The following MAFK variants were observed in gnomAD, a reference collection of about 807,000 sequenced individuals.
The protein encoded by MAFK is MAF bZIP transcription factor K, also known as transcription factor MafK.
Under a neutral mutation model 9.2 loss-of-function variants are expected in MAFK, and 1 was observed. The ratio of observed to expected loss-of-function variants is 0.11; its 90% confidence interval spans 0.04 to 0.52. The LOEUF (loss-of-function observed/expected upper bound fraction) is 0.52, where lower values mean the gene tolerates loss of function less well. MAFK is among the 20% of genes least tolerant of loss of function. MAFK has a pLI of 0.94. For missense variants in MAFK, 207 were observed against 236.0 expected, an observed-to-expected ratio of 0.88 and a Z score of 0.81; for synonymous variants, 110 against 107.4, an observed-to-expected ratio of 1.02 and a Z score of -0.15.
Position 1,533,503 on chromosome 7 carries a change from A to T in MAFK, c.-45+2605A>T, listed in dbSNP as rs145766144. ...GCAGGGAACCACGTGCTCTCTGCAGATGGTGATCAGAAACCTGAAACGGCA... is the reference window on the plus strand; with the variant it reads ...GCAGGGAACCACGTGCTCTCTGCAGTTGGTGATCAGAAACCTGAAACGGCA... On this transcript the variant is annotated intron_variant, in intron 1 of 2. Transcript: ENST00000343242. Among the ~76,000 whole-genome samples the T allele has an allele frequency of 3.0e-3, 451 of 152,228 alleles. 1 individual carries two copies. The highest frequency in any genetic ancestry group is 0.01 in the African/African-American group (434 of 41,538).
intron 1 of MAFK, chr7:1,538,736 C>T (rs1162873300): frequency 2.0e-5 from 4 of 202,768 alleles, no homozygotes; most frequent in East Asian, 1.8e-4. Context: ...CAGGTGCAGA[C>T]GTCTTCTCTG....
chr7:1,531,431 C>A (rs1401161683), intron 1 of MAFK, among the ~76,000 whole-genome samples: 2 of 152,188 alleles, frequency 1.3e-5, no homozygotes, highest in African/African-American at 4.8e-5. Flanking sequence ...TCACGCGTGC[C>A]CGGGAACGGG....
rs59057812 is a variant in MAFK at position 1,535,085 on chromosome 7, C to CTTT, written c.-44-4049_-44-4047dup. 1.8e-5 allele frequency among the ~76,000 whole-genome samples: 2 copies of CTTT among 111,940 alleles called. 1 individual carries two copies. The highest frequency in any genetic ancestry group is 7.3e-5 in the African/African-American group (2 of 27,420). The allele number at this position is 111,940 out of a possible 152,430, so 73.4% of individuals were successfully genotyped here. ...CCATCACAACTGGCTATTTAAAATT[C>CTTT]TTTTTTTTTTTTTTTTTGTAGAGAT... is the stretch of plus-strand genomic sequence containing the variant. On this transcript the variant is annotated intron_variant, in intron 1 of 2. Transcript: ENST00000343242.
intron 1 of MAFK, 112 bp from the exon 2 acceptor site, chr7:1,539,037 C>G: frequency 1.2e-6 from 1 of 803,588 alleles, no homozygotes; most frequent in Non-Finnish European, 2.1e-6. Context: ...TTTCATGGTG[C>G]TGTGACTGTC....
At chr7:1,531,401 C>CTCTG (rs1223709286) in intron 1 of MAFK, among the ~76,000 whole-genome samples, 1 of 152,174 alleles carries the variant, frequency 6.6e-6, no homozygotes, top group Non-Finnish European at 1.5e-5. Flanking sequence ...ACGGGCGGCG[C>CTCTG]TCTGGCCCAG....
At chr7:1,539,286 C>A in intron 2 of MAFK, 58 bp downstream of exon 2, 1 of 1,394,436 alleles carries the variant, frequency 7.2e-7, no homozygotes. Context: ...AGGCCCCCGG[C>A]CCGACAGCCC....
intron 1 of MAFK, among the ~76,000 whole-genome samples, chr7:1,536,331 GAC>G (rs1784028153): frequency 6.6e-6 from 1 of 152,204 alleles, no homozygotes; most frequent in Admixed American, 6.5e-5. Context: ...CTGGGCGTAA[GAC>G]ACAATGCGAG....
At chr7:1,535,618 C>G (rs1217622116) in intron 1 of MAFK, among the ~76,000 whole-genome samples, 1 of 152,240 alleles carries the variant, frequency 6.6e-6, no homozygotes, top group Non-Finnish European at 1.5e-5. Context: ...CCACTGCACT[C>G]CAGCCTGGGT....
chr7:1,539,371 G>A (rs576216560), intron 2 of MAFK, 143 bp downstream of exon 2: 8 of 671,814 alleles, frequency 1.2e-5, no homozygotes, highest in South Asian at 3.8e-5. Flanking sequence ...TGCTGTGGCC[G>A]AGGGATGTTC....
At chr7:1,531,252 A>G (rs1163611491) in intron 1 of MAFK, among the ~76,000 whole-genome samples, 2 of 142,356 alleles carry the variant, frequency 1.4e-5, no homozygotes, top group African/African-American at 5.1e-5. Flanking sequence ...GCGCCTTCAC[A>G]CCTGCGGGGG....
At position 1,532,151 on chromosome 7, in the gene MAFK, T is replaced by G. The variant is rs1343417289; in HGVS notation, c.-45+1253T>G. 6.6e-6 allele frequency among the ~76,000 whole-genome samples: 1 copy of G among 152,218 alleles called. No individual in the cohort carries two copies. The highest frequency in any genetic ancestry group is 1.5e-5 in the Non-Finnish European group (1 of 68,028). On this transcript the variant is annotated intron_variant, in intron 1 of 2. Transcript: ENST00000343242. This position sits in a 1 kb window ranked among gnomAD's most constrained non-coding sequence, Gnocchi z 4.5. ...TCTCCAGGGTGGGCTGCCAGGTCTC[T>G]TTACTGGCACTGAGGTTTCACCGTC...
At chr7:1,538,478 G>T in intron 1 of MAFK, 1 of 870,734 alleles carries the variant, frequency 1.1e-6, no homozygotes, top group Non-Finnish European at 1.4e-6. Flanking sequence ...CGTGGCCTGT[G>T]GGGAGGGCGG....
Position 1,532,894 on chromosome 7 carries a change from C to T in MAFK, c.-45+1996C>T, listed in dbSNP as rs570680920. 1.3e-5 allele frequency among the ~76,000 whole-genome samples: 2 copies of T among 152,288 alleles called. No individual in the cohort carries two copies. Among genetic ancestry groups the T allele is most frequent in the Non-Finnish European group, 2.9e-5 (2 of 68,032 alleles). On this transcript the variant is annotated intron_variant, in intron 1 of 2. Transcript: ENST00000343242. This position sits in a 1 kb window ranked among gnomAD's most constrained non-coding sequence, Gnocchi z 4.5. ...AATCTGGCCAGCTGAGAGAGGGCTC[C>T]GTGTGGCCGCCTTTCAACAGTAAAC...
intron 1 of MAFK, among the ~76,000 whole-genome samples, chr7:1,535,574 G>A (rs1784007602): frequency 6.6e-6 from 1 of 152,248 alleles, no homozygotes; most frequent in Non-Finnish European, 1.5e-5. Flanking sequence ...AGGATCGCTT[G>A]AGCTCAGGAG....
intron 1 of MAFK, among the ~76,000 whole-genome samples, chr7:1,535,177 G>A (rs990613056): frequency 3.5e-5 from 5 of 142,106 alleles, no homozygotes; most frequent in Admixed American, 3.0e-4. Flanking sequence ...CTCCGGAGGC[G>A]TTGCTATTAC....
chr7:1,532,511 T>A lies in MAFK; in HGVS notation c.-45+1613T>A, dbSNP rs1013066932. Among the ~76,000 whole-genome samples the A allele has an allele frequency of 6.6e-6, 1 of 152,236 alleles. No homozygotes were observed. The highest frequency in any genetic ancestry group is 2.1e-4 in the South Asian group (1 of 4,832). The stretch of plus-strand genomic sequence containing the variant: ...ACCAGGCTTCTCCTGCCTTTTATCC[T>A]TGAACCGAGCCAGGGCTTTGAGGGG... On this transcript the variant is annotated intron_variant, in intron 1 of 2. Coordinates refer to ENST00000343242, the MANE Select transcript of MAFK (RefSeq NM_002360.4). The surrounding 1 kb of genome is among the most constrained non-coding windows in gnomAD (Gnocchi z 4.5).
In MAFK at chr7:1,532,178, C is replaced by T. The variant is rs554841604; in HGVS notation, c.-45+1280C>T. On this transcript the variant is annotated intron_variant, in intron 1 of 2. Coordinates refer to ENST00000343242, the MANE Select transcript of MAFK (RefSeq NM_002360.4). The surrounding 1 kb of genome is among the most constrained non-coding windows in gnomAD (Gnocchi z 4.5). ...TACTGGCACTGAGGTTTCACCGTCA[C>T]GGTGTGTTGTTGTAAGGGGTTCTCC... 5.9e-5 allele frequency among the ~76,000 whole-genome samples: 9 copies of T among 152,334 alleles called. No homozygotes were observed. The South Asian group carries it at 1.5e-3, about 25-fold the overall frequency.
At position 1,534,457 on chromosome 7, in the gene MAFK, C is replaced by T. The variant is rs775585627; in HGVS notation, c.-45+3559C>T. The T allele has an allele frequency of 6.9e-6, 3 of 435,624 alleles. No individual in the cohort carries two copies. The highest frequency in any genetic ancestry group is 3.2e-5 in the South Asian group (2 of 62,326). 27.0% of individuals were successfully genotyped at this position (435,624 alleles called of 1,614,324 possible). A position where few individuals can be genotyped will look rare whatever the true frequency, so the allele number is the denominator to read the frequency against. ...GTGGCCTCTGGTTTTGTGGATTGCA[C>T]CTGCCGTGGGAGTCACTGGTCGGGG... On this transcript the variant is annotated intron_variant, in intron 1 of 2. Transcript: ENST00000343242. The surrounding 1 kb of genome is among the most constrained non-coding windows in gnomAD (Gnocchi z 4.3).
At position 1,536,187 on chromosome 7, in the gene MAFK, G is replaced by A. The variant is rs557012398; in HGVS notation, c.-44-2962G>A. On this transcript the variant is annotated intron_variant, in intron 1 of 2. Coordinates refer to ENST00000343242, the MANE Select transcript of MAFK (RefSeq NM_002360.4). ...TTACGTCGGCTGCTGGGGCCCCACAGCGGAAACTCAGACCCGCCCACCCAG... is the reference window on the plus strand; with the variant it reads ...TTACGTCGGCTGCTGGGGCCCCACAACGGAAACTCAGACCCGCCCACCCAG... 2.7e-3 allele frequency among the ~76,000 whole-genome samples: 407 copies of A among 152,344 alleles called. 4 individuals carry two copies. Among genetic ancestry groups the A allele is most frequent in the African/African-American group, 9.5e-3 (397 of 41,584 alleles).
Sources: gnomAD v4.1 joint callset for allele counts (sites outside exome capture counted in the v4.1 genomes callset) on GRCh38, gnomAD v4.1.1 for gene constraint, Gnocchi (gnomAD v3.1) non-coding constraint, MANE v1.5 for transcripts, NCBI Gene and HGNC (gene_info 2026-07-23, HGNC 2026-07-21) for gene names.